MYOCD: variants seen among roughly 807,000 people sequenced by gnomAD.
The protein encoded by MYOCD is myocardin.
In MYOCD, 32 loss-of-function variants were observed where a neutral mutation model predicts 96.1. The observed-to-expected ratio is 0.33, with a 90% CI of 0.25 to 0.45. The LOEUF is 0.45. Among genes scored for constraint, MYOCD ranks in the 20% least tolerant of loss-of-function variants. The pLI, the probability that MYOCD is intolerant of heterozygous loss-of-function variation, is 1.00. For synonymous variants in MYOCD, 469 were observed against 469.0 expected, an observed-to-expected ratio of 1.00 and a Z score of 0.00; for missense variants, 1,133 against 1,200.6, an observed-to-expected ratio of 0.94 and a Z score of 0.83.
At chr17:12,698,993 C>T (rs1008877910) in intron 1 of MYOCD, among the ~76,000 whole-genome samples, 7 of 151,904 alleles carry the variant, frequency 4.6e-5, no homozygotes, top group East Asian at 3.9e-4. Flanking sequence ...CTGCCCGCCT[C>T]GGCCTCCCAA....
At chr17:12,675,996 A>G (rs1910009372) in intron 1 of MYOCD, among the ~76,000 whole-genome samples, 1 of 152,198 alleles carries the variant, frequency 6.6e-6, no homozygotes, top group East Asian at 1.9e-4. Flanking sequence ...TACCATTTGC[A>G]TCTTTTAAAA....
At position 12,753,020 on chromosome 17, in the gene MYOCD, A is replaced by G. The variant is rs1169707835; in HGVS notation, c.1732A>G (p.Ser578Gly). Residue 578 changes from serine (S) to glycine (G), a missense_variant, in exon 10 of 14, where the codon AGC becomes GGC. By Grantham distance (56) the Ser-to-Gly change is moderately conservative. Coordinates refer to ENST00000425538, the MANE Select transcript of MYOCD (RefSeq NM_001146312.3). Reference protein sequence around the residue: ...ASIKQEEAVSSCPFASQVPVK... With the variant: ...ASIKQEEAVSGCPFASQVPVK... ...CATCAAGCAGGAAGAGGCTGTCTCC[A>G]GCTGTCCTTTTGCATCCCAAGTACC... The G allele has an allele frequency of 6.2e-7, 1 of 1,614,190 alleles. No individual in the cohort carries two copies. Among genetic ancestry groups the G allele is most frequent in the East Asian group, 2.2e-5 (1 of 44,866 alleles).
At chr17:12,725,209 A>G (rs1222945042) in intron 5 of MYOCD, among the ~76,000 whole-genome samples, 1 of 151,906 alleles carries the variant, frequency 6.6e-6, no homozygotes, top group African/African-American at 2.4e-5. Flanking sequence ...GTCTAAGGGA[A>G]TGGAAATTTG....
At chr17:12,684,229 A>T (rs904933265) in intron 1 of MYOCD, among the ~76,000 whole-genome samples, 2 of 152,010 alleles carry the variant, frequency 1.3e-5, no homozygotes, top group East Asian at 3.9e-4. Context: ...TTATCCATGG[A>T]TCATGATGAG....
In MYOCD at chr17:12,753,226, A is replaced by C; in HGVS notation, c.1938A>C (p.Pro646=). The C allele has an allele frequency of 6.2e-7, 1 of 1,614,126 alleles. No homozygotes were observed. Among genetic ancestry groups the C allele is most frequent in the Non-Finnish European group, 8.5e-7 (1 of 1,180,000 alleles). The part of the protein sequence containing the change: ...QHSPLGAVKS[P]QHISLPPSPN... ...CACCGCTGGGGGCTGTGAAAAGCCC[A>C]CAGCACATCAGTTTGCCCCCATCAC... The change falls in exon 10 of 14, where the codon CCA becomes CCC. Residue 646 remains proline, a synonymous_variant. Transcript: ENST00000425538.
At position 12,722,867 on chromosome 17, in the gene MYOCD, A is replaced by G. The variant is rs200250337; in HGVS notation, c.274A>G (p.Ile92Val). Residue 92 changes from isoleucine to valine, a missense_variant, in exon 5 of 14, where the codon ATT becomes GTT. Transcript: ENST00000425538. ...ILQASTAERS[I>V]PTAQMKLKRA... ...TTTAGCTTCCACTGCAGAGAGGTCC[A>G]TTCCAACTGCTCAGATGAAGCTGAA... 130 of 1,613,784 alleles carry G rather than the reference A, an allele frequency of 8.1e-5. No individual in the cohort carries two copies. The highest frequency in any genetic ancestry group is 1.1e-4 in the Non-Finnish European group (125 of 1,179,904).
At chr17:12,677,300 G>A (rs971084233) in intron 1 of MYOCD, among the ~76,000 whole-genome samples, 7 of 151,992 alleles carry the variant, frequency 4.6e-5, no homozygotes, top group Admixed American at 4.6e-4. Context: ...TAACTAATGG[G>A]TATTAGGCTT....
At chr17:12,675,574 A>G (rs1270565327) in intron 1 of MYOCD, among the ~76,000 whole-genome samples, 4 of 152,270 alleles carry the variant, frequency 2.6e-5, no homozygotes, top group Admixed American at 2.0e-4. Flanking sequence ...TTTAAAAAGT[A>G]TTGGCCAGGC....
intron 1 of MYOCD, among the ~76,000 whole-genome samples, chr17:12,672,545 C>T (rs1002190991): frequency 6.6e-6 from 1 of 152,186 alleles, no homozygotes; most frequent in African/African-American, 2.4e-5. Flanking sequence ...TATCATTTAT[C>T]CCCAGAAATT....
At chr17:12,737,960 C>A (rs1001226304) in intron 6 of MYOCD, among the ~76,000 whole-genome samples, 4 of 152,132 alleles carry the variant, frequency 2.6e-5, no homozygotes, top group Non-Finnish European at 5.9e-5. Flanking sequence ...TTTTCCTTCC[C>A]CTGCATGCCA....
chr17:12,716,985 C>CAAAAAAAAA (rs56992216), intron 3 of MYOCD, among the ~76,000 whole-genome samples: 2 of 112,952 alleles, frequency 1.8e-5, no homozygotes, highest in Non-Finnish European at 3.4e-5. Flanking sequence ...GATGCTGTCT[C>CAAAAAAAAA]AAAAAAAAAA....
intron 3 of MYOCD, among the ~76,000 whole-genome samples, chr17:12,716,190 G>A (rs917972307): frequency 6.6e-6 from 1 of 152,170 alleles, no homozygotes; most frequent in African/African-American, 2.4e-5. Flanking sequence ...TCTGCCTGCT[G>A]GTATTTCCTT....
rs866757558 is a variant in MYOCD at position 12,746,972 on chromosome 17, C to T, written c.1125+900C>T. 6.0e-4 allele frequency among the ~76,000 whole-genome samples: 91 copies of T among 152,150 alleles called. No homozygotes were observed. In the Middle Eastern group the frequency reaches 0.01, roughly 17 times the overall value. On this transcript the variant is annotated intron_variant, in intron 9 of 13. Coordinates refer to ENST00000425538, the MANE Select transcript of MYOCD (RefSeq NM_001146312.3). ...CGAACTCCTGACCTCAGGTGATCCACCGGCCTTGGCCTCCCAAAGTGCTGG... is the reference window on the plus strand; with the variant it reads ...CGAACTCCTGACCTCAGGTGATCCATCGGCCTTGGCCTCCCAAAGTGCTGG...
intron 1 of MYOCD, among the ~76,000 whole-genome samples, chr17:12,694,881 CAAAA>C (rs201215491): frequency 6.7e-4 from 47 of 69,632 alleles, no homozygotes; most frequent in African/African-American, 2.1e-3. Flanking sequence ...AAGGAATAAC[CAAAA>C]AAAAAAAAAA....
intron 1 of MYOCD, among the ~76,000 whole-genome samples, chr17:12,667,710 T>G (rs753487622): frequency 6.6e-6 from 1 of 152,196 alleles, no homozygotes; most frequent in Non-Finnish European, 1.5e-5. Flanking sequence ...AAAACGCTTA[T>G]CAATCCCTCC....
At chr17:12,756,601 T>C (rs1315195741) in intron 11 of MYOCD, 44 bp downstream of exon 11, 8 of 1,521,888 alleles carry the variant, frequency 5.3e-6, no homozygotes, top group East Asian at 2.5e-5. Flanking sequence ...TCACTTTGCC[T>C]CTTCTCTCTT....
At chr17:12,729,136 A>G (rs917632176) in intron 5 of MYOCD, among the ~76,000 whole-genome samples, 1 of 152,234 alleles carries the variant, frequency 6.6e-6, no homozygotes, top group Non-Finnish European at 1.5e-5. Context: ...TTTGGCATAA[A>G]AAAGAACATT....
chr17:12,722,399 C>T (rs189663863), intron 4 of MYOCD, among the ~76,000 whole-genome samples: 84 of 152,246 alleles, frequency 5.5e-4, no homozygotes, highest in Admixed American at 1.5e-3. Context: ...TTGACTCAGT[C>T]GGTCACAGCA....
In MYOCD at chr17:12,764,727, GTT is replaced by G. The variant is rs1057222512; in HGVS notation, c.*1085_*1086del. 12 of 151,950 alleles carry G rather than the reference GTT, an allele frequency of 7.9e-5. No homozygotes were observed. Among genetic ancestry groups the G allele is most frequent in the African/African-American group, 2.7e-4 (11 of 41,330 alleles). 9.4% of individuals were successfully genotyped at this position (151,950 alleles called of 1,614,324 possible). The stretch of plus-strand genomic sequence containing the variant: ...AGGTACCAATCCTTTCCTGTTCCTC[GTT>G]TGGCCATCTTTCTTTTTCTGCCTCC... On this transcript the variant is annotated 3_prime_UTR_variant, in exon 14 of 14. Transcript: ENST00000425538.
Sources: gnomAD v4.1 joint callset for allele counts (sites outside exome capture counted in the v4.1 genomes callset) on GRCh38, gnomAD v4.1.1 for gene constraint, MANE v1.5 for transcripts, NCBI Gene and HGNC (gene_info 2026-07-23, HGNC 2026-07-21) for gene names.